Variants in AXIN2 observed in about 807,000 individuals in gnomAD.
The protein encoded by AXIN2 is axin-2.
A neutral mutation model predicts 74.7 loss-of-function variants in AXIN2; 21 were observed. The observed-to-expected ratio is 0.28, with a 90% CI of 0.20 to 0.40. The LOEUF (loss-of-function observed/expected upper bound fraction) is 0.40. AXIN2 is among the 10% of genes least tolerant of loss of function. The probability of loss-of-function intolerance (pLI) is 1.00; values close to 1 mark genes in which losing one functional copy is unlikely to be tolerated. For missense variants in AXIN2, 1,144 were observed against 1,111.1 expected (o/e 1.03, Z -0.42); for synonymous variants, 532 against 454.9 (o/e 1.17, Z -2.16).
intron 2 of AXIN2, among the ~76,000 whole-genome samples, chr17:65,553,806 C>T (rs1303422778): frequency 8.0e-6 from 1 of 124,584 alleles, no homozygotes; most frequent in African/African-American, 3.2e-5. Flanking sequence ...TTTAAGAAAA[C>T]GGAGTGGGGC....
At chr17:65,542,937 A>G (rs1346624880) in intron 3 of AXIN2, among the ~76,000 whole-genome samples, 2 of 152,238 alleles carry the variant, frequency 1.3e-5, no homozygotes, top group Non-Finnish European at 2.9e-5. Flanking sequence ...AGCCAGGAGT[A>G]ACTAGTCAAC....
chr17:65,545,243 A>G (rs1019427736), intron 3 of AXIN2, among the ~76,000 whole-genome samples: 1 of 152,098 alleles, frequency 6.6e-6, no homozygotes, highest in Non-Finnish European at 1.5e-5. Context: ...ACATCTAACC[A>G]TGGCTACACT....
At chr17:65,537,903 A>G (rs932097928) in intron 5 of AXIN2, 68 bp from the exon 6 acceptor site, 8 of 1,484,654 alleles carry the variant, frequency 5.4e-6, no homozygotes, top group Non-Finnish European at 7.2e-6. Flanking sequence ...CTGGGGTTGC[A>G]ACATTCGGCT....
intron 7 of AXIN2, 73 bp downstream of exon 7, chr17:65,536,796 A>T: frequency 6.3e-7 from 1 of 1,592,780 alleles, no homozygotes; most frequent in Admixed American, 1.7e-5. Context: ...CTGCAAAAAC[A>T]GCCATTCCCA....
In AXIN2 at chr17:65,536,853, G is replaced by C. The variant is rs751736675; in HGVS notation, c.1907+16C>G. On this transcript the variant is annotated intron_variant, in intron 7 of 10. Transcript: ENST00000307078. ...CCATGACCCTCGCGGCCGCGGCGGC[G>C]GCAAGCGGTGTTTACCTATGGGGCT... 7 of 1,612,506 alleles carry C rather than the reference G, an allele frequency of 4.3e-6. No homozygotes were observed. The East Asian group carries it at 1.6e-4, about 36-fold the overall frequency.
intron 2 of AXIN2, 99 bp downstream of exon 2, chr17:65,557,707 C>A: frequency 1.6e-6 from 2 of 1,268,360 alleles, no homozygotes; most frequent in South Asian, 1.3e-5. Context: ...ACTCAACAGA[C>A]CTGTCAGTCT....
chr17:65,541,654 CAG>C, intron 3 of AXIN2, 97 bp from the exon 4 acceptor site: 1 of 1,004,994 alleles, frequency 1.0e-6, no homozygotes, highest in Non-Finnish European at 1.6e-6. Context: ...ATCCCGCCGA[CAG>C]GGCCACATGC....
intron 1 of AXIN2, 167 bp downstream of exon 1, chr17:65,561,283 C>G (rs867030508): frequency 6.9e-6 from 1 of 145,950 alleles, no homozygotes; most frequent in African/African-American, 2.5e-5. Context: ...GCCCCGCCAC[C>G]GCTCCGCAGG....
intron 3 of AXIN2, among the ~76,000 whole-genome samples, chr17:65,548,293 G>C: frequency 6.6e-6 from 1 of 152,194 alleles, no homozygotes; most frequent in Non-Finnish European, 1.5e-5. Context: ...AAAATAAATA[G>C]TAGGTTCCCA....
intron 8 of AXIN2, 124 bp downstream of exon 8, chr17:65,536,196 T>C: frequency 2.0e-6 from 2 of 996,642 alleles, no homozygotes; most frequent in Non-Finnish European, 3.1e-6. Context: ...CCATAAGTAA[T>C]TCTTCTTCTC....
intron 3 of AXIN2, among the ~76,000 whole-genome samples, chr17:65,547,668 A>G (rs1480048625): frequency 2.0e-5 from 3 of 152,236 alleles, no homozygotes; most frequent in African/African-American, 7.2e-5. Context: ...CGTAAACTGC[A>G]TTTGACTTAG....
chr17:65,537,902 CA>C, intron 5 of AXIN2, 67 bp from the exon 6 acceptor site: 1 of 1,484,244 alleles, frequency 6.7e-7, no homozygotes, highest in Non-Finnish European at 9.0e-7. Context: ...CCTGGGGTTG[CA>C]ACATTCGGCT....
intron 6 of AXIN2, 52 bp downstream of exon 6, chr17:65,537,272 C>T (rs369187512): frequency 6.2e-7 from 1 of 1,611,498 alleles, no homozygotes; most frequent in Non-Finnish European, 8.5e-7. Flanking sequence ...GCCCATGGAC[C>T]TGGCTGGGAG....
At chr17:65,533,274 A>G (rs754965083) in intron 10 of AXIN2, among the ~76,000 whole-genome samples, 2 of 152,192 alleles carry the variant, frequency 1.3e-5, no homozygotes, top group Non-Finnish European at 2.9e-5. Context: ...GGAGGAGTAG[A>G]CTGCCCTATT....
At chr17:65,559,421 A>G (rs1316797315) in intron 1 of AXIN2, 1 of 151,832 alleles carries the variant, frequency 6.6e-6, no homozygotes, top group Non-Finnish European at 1.5e-5. Context: ...CTCAGATTTG[A>G]GTGTTCGCTA....
chr17:65,547,148 G>A (rs1333304243), intron 3 of AXIN2, among the ~76,000 whole-genome samples: 1 of 152,138 alleles, frequency 6.6e-6, no homozygotes, highest in Non-Finnish European at 1.5e-5. Flanking sequence ...TCTGGGAAGG[G>A]GATAAAAGAA....
Position 65,541,357 on chromosome 17 carries a change from A to C in AXIN2, c.1059+98T>G, listed in dbSNP as rs1320296478. 57 of 1,123,438 alleles carry C rather than the reference A, an allele frequency of 5.1e-5. No individual in the cohort carries two copies. In the East Asian group the frequency reaches 1.2e-3, roughly 25 times the overall value. 69.6% of individuals were successfully genotyped at this position (1,123,438 alleles called of 1,614,324 possible). On this transcript the variant is annotated intron_variant, in intron 4 of 10. Transcript: ENST00000307078. The stretch of plus-strand genomic sequence containing the variant: ...GGGACCTTAGGTACTGCTCTTTTCT[A>C]CCTTCCCTATACCTCTCCCCATTCC...
chr17:65,536,033 C>T (rs765752673), intron 8 of AXIN2, among the ~76,000 whole-genome samples: 4 of 152,192 alleles, frequency 2.6e-5, no homozygotes. Context: ...ACAATCAAGA[C>T]ATTTGTAAGG....
At chr17:65,534,354 C>A (rs2043874202) in intron 9 of AXIN2, among the ~76,000 whole-genome samples, 1 of 152,216 alleles carries the variant, frequency 6.6e-6, no homozygotes, top group Admixed American at 6.5e-5. Flanking sequence ...CCCCCACCGC[C>A]ACCAAATGAA....
Sources: allele counts gnomAD v4.1 joint callset (sites outside exome capture counted in the v4.1 genomes callset), GRCh38; gene constraint gnomAD v4.1.1; transcripts MANE v1.5; gene names NCBI Gene and HGNC (gene_info 2026-07-23, HGNC 2026-07-21).